Variants in CSMD1 observed in about 807,000 individuals in gnomAD.
CSMD1 encodes CUB and sushi domain-containing protein 1.
In CSMD1, 213 loss-of-function variants were observed where a neutral mutation model predicts 417.5. The ratio of observed to expected loss-of-function variants is 0.51; its 90% CI spans 0.46 to 0.57. The LOEUF (loss-of-function observed/expected upper bound fraction) is 0.57, where lower values mean the gene tolerates loss of function less well. Ranked by LOEUF, CSMD1 falls within the 20% of genes least tolerant of loss-of-function variation. The pLI, the probability that CSMD1 is intolerant of heterozygous loss-of-function variation, is 0.00. For missense variants in CSMD1, 6,923 were observed against 4,529.7 expected, an observed-to-expected ratio of 1.53 and a Z score of -15.17; for synonymous variants, 2,862 against 1,736.8, an observed-to-expected ratio of 1.65 and a Z score of -16.11.
chr8:3,557,020 T>A (rs953062706), intron 10 of CSMD1, among the ~76,000 whole-genome samples: 1 of 152,176 alleles, frequency 6.6e-6, no homozygotes, highest in African/African-American at 2.4e-5. Flanking sequence ...AATCTGCACT[T>A]TGGTGGAAAC....
At chr8:4,272,864 A>G (rs941288776) in intron 3 of CSMD1, among the ~76,000 whole-genome samples, 2 of 152,182 alleles carry the variant, frequency 1.3e-5, no homozygotes, top group South Asian at 4.1e-4. Flanking sequence ...CACAGATAAA[A>G]CGATAGATAA....
At chr8:3,595,789 G>C (rs183371925) in intron 8 of CSMD1, among the ~76,000 whole-genome samples, 1 of 152,320 alleles carries the variant, frequency 6.6e-6, no homozygotes, top group African/African-American at 2.4e-5. Context: ...GTCATGCGAA[G>C]TAGAAAAATT....
intron 25 of CSMD1, among the ~76,000 whole-genome samples, chr8:3,287,242 T>A (rs1803229297): frequency 6.6e-6 from 1 of 150,990 alleles, no homozygotes. Flanking sequence ...GGGTGATGCC[T>A]CCAGCTTTGT....
At chr8:4,033,671 A>G (rs1261425588) in intron 3 of CSMD1, among the ~76,000 whole-genome samples, 1 of 152,156 alleles carries the variant, frequency 6.6e-6, no homozygotes, top group Non-Finnish European at 1.5e-5. Context: ...GATGACTCGT[A>G]TTTGGCTCAG....
intron 18 of CSMD1, among the ~76,000 whole-genome samples, chr8:3,386,435 T>G (rs1197423429): frequency 6.6e-6 from 1 of 152,198 alleles, no homozygotes; most frequent in Non-Finnish European, 1.5e-5. Context: ...AGCAGCTCTG[T>G]GCTGTCCACC....
intron 3 of CSMD1, among the ~76,000 whole-genome samples, chr8:4,355,862 G>A (rs987622783): frequency 1.3e-5 from 2 of 152,356 alleles, no homozygotes; most frequent in South Asian, 4.1e-4. Flanking sequence ...TTTGGAGGAT[G>A]GGAACCAGGC....
intron 19 of CSMD1, among the ~76,000 whole-genome samples, chr8:3,368,714 T>C (rs956318716): frequency 6.6e-6 from 1 of 152,208 alleles, no homozygotes; most frequent in Non-Finnish European, 1.5e-5. Context: ...CCAGTGTTTA[T>C]AATCTACATT....
chr8:3,300,271 A>C (rs977769260), intron 25 of CSMD1, among the ~76,000 whole-genome samples: 1 of 152,166 alleles, frequency 6.6e-6, no homozygotes, highest in African/African-American at 2.4e-5. Flanking sequence ...TTATGTTTGT[A>C]TTTGCATAGA....
rs145231507 is a variant in CSMD1 at position 3,957,846 on chromosome 8, G to C, written c.818+40057C>G. Among the ~76,000 whole-genome samples the C allele has an allele frequency of 1.1e-4, 17 of 152,336 alleles. No individual in the cohort carries two copies. The East Asian group carries it at 3.3e-3, about 29-fold the overall frequency. ...TGAAGGGATAATCACAAATTATGTA[G>C]CCCATAAGAGGCACATTTGGAGCCG... On this transcript the variant is annotated intron_variant, in intron 5 of 69. Transcript: ENST00000635120.
intron 11 of CSMD1, among the ~76,000 whole-genome samples, chr8:3,486,310 T>C (rs1010175685): frequency 1.3e-5 from 2 of 152,168 alleles, no homozygotes; most frequent in Admixed American, 6.5e-5. Context: ...CAACAATCCA[T>C]TGAGGGTAAA....
At chr8:3,257,806 T>C (rs1364672769) in intron 26 of CSMD1, among the ~76,000 whole-genome samples, 2 of 151,378 alleles carry the variant, frequency 1.3e-5, no homozygotes, top group African/African-American at 4.9e-5. Flanking sequence ...GGGCGATCGG[T>C]GGGTGGGGTG....
At chr8:4,033,130 GAA>G (rs58668077) in intron 3 of CSMD1, among the ~76,000 whole-genome samples, 123 of 80,650 alleles carry the variant, frequency 1.5e-3, no homozygotes, top group East Asian at 0.011. Context: ...TTTCCAATAT[GAA>G]AAAAAAAAAA....
At chr8:4,005,386 C>A (rs1040336621) in intron 4 of CSMD1, among the ~76,000 whole-genome samples, 2 of 152,184 alleles carry the variant, frequency 1.3e-5, no homozygotes, top group Non-Finnish European at 2.9e-5. Flanking sequence ...AACAGACACA[C>A]GTGGCCGGGT....
At chr8:4,801,077 G>C (rs1798258331) in intron 1 of CSMD1, among the ~76,000 whole-genome samples, 3 of 152,166 alleles carry the variant, frequency 2.0e-5, no homozygotes, top group Admixed American at 2.0e-4. Flanking sequence ...CTACAGATCT[G>C]AAATGATAAA....
chr8:4,025,352 G>C (rs939773980), intron 4 of CSMD1, among the ~76,000 whole-genome samples: 1 of 152,114 alleles, frequency 6.6e-6, no homozygotes, highest in Non-Finnish European at 1.5e-5. Context: ...TTTTGCATTT[G>C]ATCCTCTATT....
At chr8:4,325,859 G>T (rs549882722) in intron 3 of CSMD1, among the ~76,000 whole-genome samples, 1 of 152,182 alleles carries the variant, frequency 6.6e-6, no homozygotes, top group South Asian at 2.1e-4. Flanking sequence ...CCTGATGGCT[G>T]GAATTGAGAG....
At chr8:3,718,515 C>T (rs1801967258) in intron 6 of CSMD1, among the ~76,000 whole-genome samples, 5 of 152,140 alleles carry the variant, frequency 3.3e-5, no homozygotes, top group South Asian at 4.1e-4. Context: ...ACCATTTGTA[C>T]TGTTGATATT....
rs1299368126 is a variant in CSMD1 at position 2,978,622 on chromosome 8, G to C, written c.8556C>G (p.Pro2852=). The stretch of plus-strand genomic sequence containing the variant: ...ATAACCCTGACTTACCCAAACACTT[G>C]GGCAGGGATCGGTCCCATAAGCCAT... ...MANGLWDRSL[P]KCLAISCGHP... is the part of the protein sequence containing the mutation. The change falls in exon 55 of 70, where the codon CCC becomes CCG. Residue 2852 remains proline, a synonymous_variant. Coordinates refer to ENST00000635120, the MANE Select transcript of CSMD1 (RefSeq NM_033225.6). 6.3e-7 allele frequency: 1 copy of C among 1,589,984 alleles called. No homozygotes were observed. The highest frequency in any genetic ancestry group is 8.6e-7 in the Non-Finnish European group (1 of 1,167,672).
At chr8:4,013,451 G>A (rs1331461640) in intron 4 of CSMD1, among the ~76,000 whole-genome samples, 4 of 152,216 alleles carry the variant, frequency 2.6e-5, no homozygotes, top group African/African-American at 4.8e-5. Flanking sequence ...ACTATCAGGG[G>A]GGTTTCCAGG....
Sources: allele counts gnomAD v4.1 joint callset (sites outside exome capture counted in the v4.1 genomes callset), GRCh38; gene constraint gnomAD v4.1.1; transcripts MANE v1.5; gene names NCBI Gene and HGNC (gene_info 2026-07-23, HGNC 2026-07-21).